PTDSS1: variants seen among roughly 807,000 people sequenced by gnomAD.
PTDSS1 encodes the protein PSS-1.
Under a neutral mutation model 70.5 loss-of-function variants are expected in PTDSS1, and 45 were observed. The ratio of observed to expected loss-of-function variants is 0.64; its 90% CI spans 0.50 to 0.82. PTDSS1 has a LOEUF of 0.82. Among genes scored for constraint, PTDSS1 ranks in the 40% least tolerant of loss-of-function variants. The pLI is 0.00. For synonymous variants in PTDSS1, 188 were observed against 203.8 expected, an observed-to-expected ratio of 0.92 and a Z score of 0.66; for missense variants, 417 against 586.1, an observed-to-expected ratio of 0.71 and a Z score of 2.98.
intron 2 of PTDSS1, among the ~76,000 whole-genome samples, chr8:96,281,412 G>A (rs1810734448): frequency 6.6e-6 from 1 of 152,060 alleles, no homozygotes; most frequent in Non-Finnish European, 1.5e-5. Flanking sequence ...TTACTGAAAG[G>A]GTCACCTTAC....
Position 96,262,290 on chromosome 8 carries a change from A to AGGGGGGGGGTGGTGGGGGGGGGGGGT in PTDSS1, c.179+77_179+78insGGGTGGTGGGGGGGGGGGGTGGGGGG. 2.6e-6 allele frequency: 1 copy of AGGGGGGGGGTGGTGGGGGGGGGGGGT among 387,408 alleles called. No individual in the cohort carries two copies. The highest frequency in any genetic ancestry group is 5.0e-6 in the Non-Finnish European group (1 of 201,922). 24.0% of individuals were successfully genotyped at this position (387,408 alleles called of 1,614,324 possible). ...AGAGGCGGGAGGGAGGGTGGCGGGG[A>AGGGGGGGGGTGGTGGGGGGGGGGGGT]GGGGGGCCCGGCATGGCTCTGGGTG... On this transcript the variant is annotated intron_variant, in intron 1 of 12. Transcript: ENST00000517309. This position sits in a 1 kb window ranked among gnomAD's most constrained non-coding sequence, Gnocchi z 4.4.
Position 96,333,492 on chromosome 8 carries a change from A to C in PTDSS1, c.1348A>C (p.Asn450His), listed in dbSNP as rs554561031. The C allele has an allele frequency of 8.2e-5, 132 of 1,614,102 alleles. No homozygotes were observed. The South Asian group carries it at 1.4e-3, about 17-fold the overall frequency. The change falls in exon 13 of 13, where the codon AAC becomes CAC. Residue 450 changes from asparagine to histidine, a missense_variant. Coordinates refer to ENST00000517309, the MANE Select transcript of PTDSS1 (RefSeq NM_014754.3). ...CAGCCCACCCAAGCATGCAGGCAACAACGAAAGCCATTCTTCCAGGAGAAG... is the reference window on the plus strand; with the variant it reads ...CAGCCCACCCAAGCATGCAGGCAACCACGAAAGCCATTCTTCCAGGAGAAG... ...EDSPPKHAGN[N>H]ESHSSRRRNR...
chr8:96,306,358 T>G, intron 7 of PTDSS1, 86 bp from the exon 8 acceptor site: 1 of 975,454 alleles, frequency 1.0e-6, no homozygotes, highest in Non-Finnish European at 1.6e-6. Context: ...ACCAATTATT[T>G]CTAATTGTAG....
chr8:96,266,329 G>A (rs1196664710), intron 1 of PTDSS1, among the ~76,000 whole-genome samples: 3 of 152,276 alleles, frequency 2.0e-5, no homozygotes, highest in East Asian at 1.9e-4. Flanking sequence ...ATTTCTCCTC[G>A]ATTTAGAACT....
chr8:96,322,876 A>G lies in PTDSS1; in HGVS notation c.1173+2531A>G, dbSNP rs185682163. Among the ~76,000 whole-genome samples the G allele has an allele frequency of 1.2e-3, 176 of 152,304 alleles. 2 individuals are homozygous for G. The highest frequency in any genetic ancestry group is 4.1e-3 in the African/African-American group (170 of 41,558). ...CCTATACCTTCCAGAGTGGTAGCTCAAGCCACACCAAGGTCCACTTGAGCC... is the reference window on the plus strand; with the variant it reads ...CCTATACCTTCCAGAGTGGTAGCTCGAGCCACACCAAGGTCCACTTGAGCC... On this transcript the variant is annotated intron_variant, in intron 10 of 12. Coordinates refer to ENST00000517309, the MANE Select transcript of PTDSS1 (RefSeq NM_014754.3).
rs1811584512 is a variant in PTDSS1 at position 96,335,631 on chromosome 8, AG to A, written c.*2067del. The stretch of plus-strand genomic sequence containing the variant: ...CTCCATGGCTTTGTAAGAAACAGCC[AG>A]GAAAGTTCTCAGATACTTTCCATGC... On this transcript the variant is annotated 3_prime_UTR_variant, in exon 13 of 13. Coordinates refer to ENST00000517309, the MANE Select transcript of PTDSS1 (RefSeq NM_014754.3). The A allele has an allele frequency of 1.3e-5, 2 of 152,350 alleles. No homozygotes were observed. Among genetic ancestry groups the A allele is most frequent in the Non-Finnish European group, 2.9e-5 (2 of 68,044 alleles). 9.4% of individuals were successfully genotyped at this position (152,350 alleles called of 1,614,324 possible). A position where few individuals can be genotyped will look rare whatever the true frequency, so the allele number is the denominator to read the frequency against.
intron 5 of PTDSS1, among the ~76,000 whole-genome samples, chr8:96,296,860 G>T (rs576313009): frequency 6.6e-6 from 1 of 152,262 alleles, no homozygotes; most frequent in African/African-American, 2.4e-5. Flanking sequence ...GAACCCAGCC[G>T]CTGCATAGGC....
In PTDSS1 at chr8:96,295,248, C is replaced by G; in HGVS notation, c.592C>G (p.Leu198Val). 6.2e-7 allele frequency: 1 copy of G among 1,613,154 alleles called. No homozygotes were observed. The highest frequency in any genetic ancestry group is 8.5e-7 in the Non-Finnish European group (1 of 1,179,470). Residue 198 changes from leucine to valine, a missense_variant, in exon 5 of 13, where the codon CTG (leucine) becomes GTG (valine). Leu to Val is a conservative substitution (Grantham distance 32, BLOSUM62 1). Around this residue, in one of 3 missense-constraint regions of PTDSS1, gnomAD observed 272 missense variants for 429.5 expected, o/e 0.63. Coordinates refer to ENST00000517309, the MANE Select transcript of PTDSS1 (RefSeq NM_014754.3). The part of the protein sequence containing the change: ...LCWTISITWE[L>V]TELFFMHLLP... ...CTGGACAATCAGTATTACCTGGGAG[C>G]TGACTGAGGTAAGAAGGAGGGCATT...
intron 9 of PTDSS1, 131 bp downstream of exon 9, chr8:96,309,753 A>G (rs1811180614): frequency 1.7e-6 from 1 of 589,322 alleles, no homozygotes; most frequent in Non-Finnish European, 3.0e-6. Flanking sequence ...GATTTTATAT[A>G]TCTATATCTA....
At chr8:96,267,275 C>T (rs1455870679) in intron 1 of PTDSS1, among the ~76,000 whole-genome samples, 1 of 152,188 alleles carries the variant, frequency 6.6e-6, no homozygotes, top group African/African-American at 2.4e-5. Context: ...TAATTCAATT[C>T]AACAGTTCAT....
At chr8:96,327,078 G>A (rs1586211246) in intron 10 of PTDSS1, among the ~76,000 whole-genome samples, 1 of 152,154 alleles carries the variant, frequency 6.6e-6, no homozygotes, top group African/African-American at 2.4e-5. Context: ...AGGGGATTTG[G>A]GTTTGAGGAA....
chr8:96,311,363 A>G (rs1260575512), intron 9 of PTDSS1, among the ~76,000 whole-genome samples: 2 of 152,222 alleles, frequency 1.3e-5, no homozygotes, highest in African/African-American at 4.8e-5. Flanking sequence ...TAGAGAAGAA[A>G]TTACTTTTCA....
chr8:96,267,217 G>A (rs1810499771), intron 1 of PTDSS1, among the ~76,000 whole-genome samples: 2 of 152,244 alleles, frequency 1.3e-5, no homozygotes, highest in Middle Eastern at 3.4e-3. Flanking sequence ...GGACTAGTCC[G>A]GTCAGCCTGC....
At chr8:96,325,285 C>T (rs4734338) in intron 10 of PTDSS1, among the ~76,000 whole-genome samples, 55,618 of 152,076 alleles carry the variant, frequency 0.37, 11,481 homozygotes, top group East Asian at 0.6. Flanking sequence ...CATCACTGCC[C>T]TCCAAGGATC....
intron 10 of PTDSS1, among the ~76,000 whole-genome samples, chr8:96,327,362 G>A (rs1331533726): frequency 1.3e-5 from 2 of 152,138 alleles, no homozygotes; most frequent in Non-Finnish European, 2.9e-5. Flanking sequence ...CTTACAGGAT[G>A]AGACATGAGA....
intron 2 of PTDSS1, among the ~76,000 whole-genome samples, chr8:96,274,820 G>A (rs115312906): frequency 4.6e-5 from 7 of 152,268 alleles, no homozygotes; most frequent in Admixed American, 2.6e-4. Flanking sequence ...TTACAAGAAC[G>A]TAGTGGTTTT....
In PTDSS1 at chr8:96,261,928, G is replaced by T; in HGVS notation, c.-113G>T. ...CCTCTGCTCCCAGCCTTTGCTGGGC[G>T]CCAGACCCGGCTTTGCCGTCCGGCT... On this transcript the variant is annotated 5_prime_UTR_variant, in exon 1 of 13. Transcript: ENST00000517309. 1 of 1,158,602 alleles carries T rather than the reference G, an allele frequency of 8.6e-7. No individual in the cohort carries two copies. The highest frequency in any genetic ancestry group is 1.2e-6 in the Non-Finnish European group (1 of 835,800). 71.8% of individuals were successfully genotyped at this position (1,158,602 alleles called of 1,614,324 possible). A position where few individuals can be genotyped will look rare whatever the true frequency, so the allele number is the denominator to read the frequency against.
At chr8:96,293,115 A>G (rs558145353) in intron 4 of PTDSS1, among the ~76,000 whole-genome samples, 1 of 152,244 alleles carries the variant, frequency 6.6e-6, no homozygotes, top group South Asian at 2.1e-4. Context: ...ACGTTCCGTG[A>G]TCTGATTATG....
At chr8:96,297,877 T>C (rs1810997191) in intron 5 of PTDSS1, among the ~76,000 whole-genome samples, 1 of 152,232 alleles carries the variant, frequency 6.6e-6, no homozygotes, top group East Asian at 1.9e-4. Flanking sequence ...ACCCAAGGAC[T>C]TTGCCTTATA....
Sources: allele counts gnomAD v4.1 joint callset (sites outside exome capture counted in the v4.1 genomes callset), GRCh38; gene constraint gnomAD v4.1.1; regional missense constraint gnomAD v4.1.1; non-coding constraint Gnocchi (gnomAD v3.1); transcripts MANE v1.5; gene names NCBI Gene and HGNC (gene_info 2026-07-23, HGNC 2026-07-21).